KIAA1328: variants seen among roughly 807,000 people sequenced by gnomAD.
KIAA1328 encodes protein hinderin.
A neutral mutation model predicts 68.1 loss-of-function variants in KIAA1328; 52 were observed. The observed-to-expected ratio is 0.76, with a 90% confidence interval of 0.61 to 0.96. KIAA1328 has a LOEUF of 0.96. KIAA1328 is among the 40% of genes least tolerant of loss of function. KIAA1328 has a pLI of 0.00. For missense variants in KIAA1328, 641 were observed against 677.6 expected, an observed-to-expected ratio of 0.95 and a Z score of 0.60; for synonymous variants, 232 against 239.4, an observed-to-expected ratio of 0.97 and a Z score of 0.28.
At position 37,115,970 on chromosome 18, in the gene KIAA1328, T is replaced by C. The variant is rs192241568; in HGVS notation, c.1233-44230T>C. 5.8e-3 allele frequency among the ~76,000 whole-genome samples: 882 copies of C among 152,264 alleles called. 6 individuals carry two copies. The highest frequency in any genetic ancestry group is 8.8e-3 in the Non-Finnish European group (601 of 68,022). On this transcript the variant is annotated intron_variant, in intron 7 of 9. Transcript: ENST00000280020. ...ACTTACAAGGGATGTGAAGGACCTC[T>C]TCAAGGAAAACTACAAACCACTGCT...
intron 4 of KIAA1328, among the ~76,000 whole-genome samples, chr18:36,865,869 C>T (rs1396388640): frequency 6.6e-6 from 1 of 152,124 alleles, no homozygotes; most frequent in Non-Finnish European, 1.5e-5. Flanking sequence ...GTCCTCCTTA[C>T]CCTTTTTCTG....
intron 1 of KIAA1328, among the ~76,000 whole-genome samples, chr18:36,831,288 G>A (rs1038260205): frequency 3.2e-4 from 48 of 152,200 alleles, no homozygotes; most frequent in African/African-American, 9.4e-4. Flanking sequence ...CAGATCATCT[G>A]TGACTCAATG....
At chr18:36,920,183 T>C (rs551371996) in intron 5 of KIAA1328, among the ~76,000 whole-genome samples, 3 of 152,318 alleles carry the variant, frequency 2.0e-5, no homozygotes, top group African/African-American at 7.2e-5. Flanking sequence ...TTTTATAGTT[T>C]GAGATCTTAT....
At chr18:37,110,464 T>G (rs1330932982) in intron 7 of KIAA1328, among the ~76,000 whole-genome samples, 2 of 152,210 alleles carry the variant, frequency 1.3e-5, no homozygotes, top group Non-Finnish European at 2.9e-5. Context: ...TTATTCTTGT[T>G]TTCAGAAATT....
At chr18:37,027,748 C>T (rs1442816379) in intron 6 of KIAA1328, among the ~76,000 whole-genome samples, 24 of 152,080 alleles carry the variant, frequency 1.6e-4, no homozygotes, top group South Asian at 4.2e-4. Context: ...CATGTTAGAC[C>T]TAAAACCATA....
chr18:36,974,315 C>T (rs1052573737), intron 6 of KIAA1328, among the ~76,000 whole-genome samples: 5 of 151,950 alleles, frequency 3.3e-5, no homozygotes, highest in African/African-American at 9.7e-5. Flanking sequence ...ATTATCTGCT[C>T]CCCCCTCATA....
At chr18:37,174,145 G>T (rs2059551902) in intron 9 of KIAA1328, among the ~76,000 whole-genome samples, 1 of 152,052 alleles carries the variant, frequency 6.6e-6, no homozygotes, top group South Asian at 2.1e-4. Flanking sequence ...AACCTTATGA[G>T]GTGGCACTAT....
chr18:37,028,266 T>A (rs1335912948), intron 6 of KIAA1328, among the ~76,000 whole-genome samples: 1 of 152,186 alleles, frequency 6.6e-6, no homozygotes, highest in African/African-American at 2.4e-5. Context: ...ATTAGCTGTA[T>A]TCGAAAATAT....
rs558556818 is a variant in KIAA1328, at chr18:36,876,773, G to A, written c.333-8784G>A. On this transcript the variant is annotated intron_variant, in intron 4 of 9. Transcript: ENST00000280020. ...GTTCTTTTAATTGTGATGTTAAGAT[G>A]TCAATTTTAGATCTTTCCCACTTTC... 5.3e-5 allele frequency among the ~76,000 whole-genome samples: 8 copies of A among 152,206 alleles called. No homozygotes were observed. In the South Asian group the frequency reaches 1.7e-3, roughly 32 times the overall value.
Position 37,062,101 on chromosome 18 carries a change from A to G in KIAA1328, c.577-4789A>G, listed in dbSNP as rs190135153. Among the ~76,000 whole-genome samples the G allele has an allele frequency of 3.1e-3, 477 of 152,364 alleles. 2 individuals are homozygous for G. The highest frequency in any genetic ancestry group is 0.017 in the Middle Eastern group (5 of 294). Reference sequence around the variant, plus strand: ...AAAAGGCAGTGCAACATGTTAGTGTAGAGTGATATCTTTTGTATGAAGGAG... The same window carrying G: ...AAAAGGCAGTGCAACATGTTAGTGTGGAGTGATATCTTTTGTATGAAGGAG... On this transcript the variant is annotated intron_variant, in intron 6 of 9. Transcript: ENST00000280020.
At chr18:36,855,913 C>A (rs1051828848) in intron 4 of KIAA1328, among the ~76,000 whole-genome samples, 1 of 151,740 alleles carries the variant, frequency 6.6e-6, no homozygotes, top group South Asian at 2.1e-4. Context: ...TCCAGTTGTC[C>A]CAGCTCTCCT....
intron 9 of KIAA1328, among the ~76,000 whole-genome samples, chr18:37,198,033 A>G (rs951263765): frequency 6.6e-6 from 1 of 152,210 alleles, no homozygotes; most frequent in African/African-American, 2.4e-5. Context: ...GAATGAAGTA[A>G]TGATACATAC....
intron 6 of KIAA1328, among the ~76,000 whole-genome samples, chr18:36,960,120 C>T (rs2051597971): frequency 6.6e-6 from 1 of 152,184 alleles, no homozygotes; most frequent in South Asian, 2.1e-4. Flanking sequence ...CTGGGCTTTT[C>T]CCACAGTCTT....
At chr18:37,206,353 T>C (rs2060215183) in intron 9 of KIAA1328, among the ~76,000 whole-genome samples, 1 of 152,190 alleles carries the variant, frequency 6.6e-6, no homozygotes. Context: ...CCTATGGTAG[T>C]AGCCCTATGG....
At chr18:36,878,668 G>GT (rs1336222935) in intron 4 of KIAA1328, among the ~76,000 whole-genome samples, 1 of 151,988 alleles carries the variant, frequency 6.6e-6, no homozygotes, top group Non-Finnish European at 1.5e-5. Context: ...TGTAGGTTTG[G>GT]TTTTTTCACA....
At chr18:37,169,061 TCA>T (rs2059444576) in intron 8 of KIAA1328, among the ~76,000 whole-genome samples, 2 of 152,080 alleles carry the variant, frequency 1.3e-5, no homozygotes, top group Admixed American at 6.6e-5. Flanking sequence ...GTAAATGCAT[TCA>T]CATATATTAC....
At chr18:37,137,051 T>G (rs1378471283) in intron 7 of KIAA1328, among the ~76,000 whole-genome samples, 2 of 152,208 alleles carry the variant, frequency 1.3e-5, no homozygotes, top group Admixed American at 1.3e-4. Flanking sequence ...GCTTTTTCTT[T>G]TTTAGTAAAG....
At chr18:37,157,287 A>G (rs1280424550) in intron 7 of KIAA1328, among the ~76,000 whole-genome samples, 1 of 152,186 alleles carries the variant, frequency 6.6e-6, no homozygotes, top group Non-Finnish European at 1.5e-5. Flanking sequence ...TATAAAATGC[A>G]TGCCTATTGG....
intron 4 of KIAA1328, among the ~76,000 whole-genome samples, chr18:36,861,881 G>A (rs2047575042): frequency 6.6e-6 from 1 of 151,910 alleles, no homozygotes; most frequent in African/African-American, 2.4e-5. Context: ...TGTTGCCCAG[G>A]CTGGTCTTGA....
Sources: gnomAD v4.1 joint callset for allele counts (sites outside exome capture counted in the v4.1 genomes callset) on GRCh38, gnomAD v4.1.1 for gene constraint, MANE v1.5 for transcripts, NCBI Gene and HGNC (gene_info 2026-07-23, HGNC 2026-07-21) for gene names.